Variants in CFAP46 observed in about 807,000 individuals in gnomAD.
CFAP46 encodes cilia- and flagella-associated protein 46.
In CFAP46, 245 loss-of-function variants were observed where a neutral mutation model predicts 325.7. That is an observed-to-expected ratio of 0.75 (90% CI 0.68 to 0.84). CFAP46 has a LOEUF of 0.84. Ranked by LOEUF, CFAP46 falls within the 40% of genes least tolerant of loss-of-function variation. The probability of loss-of-function intolerance (pLI) is 0.00; values close to 1 mark genes in which losing one functional copy is unlikely to be tolerated. For synonymous variants in CFAP46, 1,523 were observed against 1,495.9 expected, an observed-to-expected ratio of 1.02 and a Z score of -0.42; for missense variants, 3,346 against 3,543.0, an observed-to-expected ratio of 0.94 and a Z score of 1.41.
intron 19 of CFAP46, 119 bp downstream of exon 19, chr10:132,912,536 C>A (rs1437431005): frequency 1.7e-5 from 7 of 419,714 alleles, no homozygotes; most frequent in African/African-American, 8.8e-5. Context: ...CACCTCTCTC[C>A]TCTCCTCTCT....
chr10:132,835,427 G>T lies in CFAP46; in HGVS notation c.6621C>A (p.Cys2207Ter). Residue 2207 changes from cysteine to a stop codon, truncating the protein, a stop_gained, in exon 47 of 58, where the codon TGC becomes TGA. Transcript: ENST00000368586. LOFTEE classifies it high-confidence loss of function. ...KGKVQAVGGS[C>*]KVMRLAISPT... is the part of the protein sequence containing the mutation. ...GACTTATGGCCAGACGCATCACCTT[G>T]CAGGAGCCTGTGGGGACATGGACAC... The T allele has an allele frequency of 1.2e-6, 2 of 1,613,560 alleles. No individual in the cohort carries two copies. Among genetic ancestry groups the T allele is most frequent in the Non-Finnish European group, 1.7e-6 (2 of 1,179,932 alleles).
At chr10:132,824,338 C>A (rs1591036826) in intron 50 of CFAP46, among the ~76,000 whole-genome samples, 2 of 106,250 alleles carry the variant, frequency 1.9e-5, no homozygotes, top group Non-Finnish European at 1.8e-5. Flanking sequence ...TGTGTGTGTG[C>A]TGTGTGCTGT....
intron 44 of CFAP46, 87 bp from the exon 45 acceptor site, chr10:132,837,001 T>G: frequency 9.5e-7 from 1 of 1,054,978 alleles, no homozygotes; most frequent in Non-Finnish European, 1.5e-6. Context: ...GGAGACCTCG[T>G]GGCAGAGCCA....
At chr10:132,865,880 G>A (rs1848805396) in intron 35 of CFAP46, 145 bp downstream of exon 35, 4 of 744,434 alleles carry the variant, frequency 5.4e-6, no homozygotes, top group African/African-American at 1.8e-5. Context: ...CTGACTTCCC[G>A]CAGAGAGCTG....
In CFAP46 at chr10:132,937,369, T is replaced by C. The variant is rs1850024596; in HGVS notation, c.660+183A>G. 2.0e-5 allele frequency: 14 copies of C among 693,564 alleles called. No homozygotes were observed. The Admixed American group carries it at 4.3e-4, about 21-fold the overall frequency. 43.0% of individuals were successfully genotyped at this position (693,564 alleles called of 1,614,324 possible). On this transcript the variant is annotated intron_variant, in intron 6 of 57. Coordinates refer to ENST00000368586, the MANE Select transcript of CFAP46 (RefSeq NM_001200049.3). ...TTGTTTTCTAAATGTCACAGTTCTA[T>C]ACATCTTTGCATTGGATGAACTGCT...
chr10:132,895,411 C>A (rs566411200), intron 24 of CFAP46, among the ~76,000 whole-genome samples: 3 of 152,352 alleles, frequency 2.0e-5, no homozygotes, highest in African/African-American at 7.2e-5. Flanking sequence ...AAGGCCACTG[C>A]TTCCACTGCT....
At chr10:132,834,294 T>C (rs1490147288) in intron 48 of CFAP46, among the ~76,000 whole-genome samples, 171 bp from the exon 49 acceptor site, 1 of 152,212 alleles carries the variant, frequency 6.6e-6, no homozygotes, top group Non-Finnish European at 1.5e-5. Flanking sequence ...CACAGGATTT[T>C]GGGATCATCT....
rs1403004545 is a variant in CFAP46 at position 132,847,168 on chromosome 10, G to A, written c.6087+19C>T. On this transcript the variant is annotated intron_variant, in intron 42 of 57. Coordinates refer to ENST00000368586, the MANE Select transcript of CFAP46 (RefSeq NM_001200049.3). This position sits in a 1 kb window ranked among gnomAD's most constrained non-coding sequence, Gnocchi z 5.2. Reference sequence around the variant, plus strand: ...GCTCCGGGCAGAGGCCACACGAGGGGCAGGAGGGGCAGCCGCACCTTCAGG... The same window carrying A: ...GCTCCGGGCAGAGGCCACACGAGGGACAGGAGGGGCAGCCGCACCTTCAGG... 6.2e-7 allele frequency: 1 copy of A among 1,609,130 alleles called. No individual in the cohort carries two copies. Among genetic ancestry groups the A allele is most frequent in the Non-Finnish European group, 8.5e-7 (1 of 1,178,638 alleles).
rs561795959 is a variant in CFAP46, at chr10:132,897,950, G to A, written c.3219+1009C>T. 2.0e-5 allele frequency among the ~76,000 whole-genome samples: 3 copies of A among 151,858 alleles called. No homozygotes were observed. The South Asian group carries it at 6.3e-4, about 32-fold the overall frequency. On this transcript the variant is annotated intron_variant, in intron 24 of 57. Coordinates refer to ENST00000368586, the MANE Select transcript of CFAP46 (RefSeq NM_001200049.3). ...CTGAGGATCCAGCGCAGCGGCTTCT[G>A]TAGCCGCACCCACTGTCTCTGCCTG...
chr10:132,917,788 C>T (rs949690513), intron 16 of CFAP46, among the ~76,000 whole-genome samples: 3 of 152,176 alleles, frequency 2.0e-5, no homozygotes, highest in African/African-American at 7.2e-5. Context: ...TAACAGGCCA[C>T]GTGGACACCA....
Position 132,931,750 on chromosome 10 carries a change from C to A in CFAP46, c.867-1946G>T, listed in dbSNP as rs183679659. 3.1e-3 allele frequency among the ~76,000 whole-genome samples: 447 copies of A among 143,108 alleles called. 1 individual carries two copies. Among genetic ancestry groups the A allele is most frequent in the African/African-American group, 9.6e-3 (367 of 38,370 alleles). 93.9% of individuals were successfully genotyped at this position (143,108 alleles called of 152,430 possible). ...AGCCTGGGCCTCCCCACACTCCCCA[C>A]GCAGAGCCTGGGCCTTCCTCCTTGC... is the stretch of plus-strand genomic sequence containing the variant. On this transcript the variant is annotated intron_variant, in intron 8 of 57. Transcript: ENST00000368586.
At position 132,922,717 on chromosome 10, in the gene CFAP46, G is replaced by A. The variant is rs1223214615; in HGVS notation, c.1257-9C>T. On this transcript the variant is annotated splice_polypyrimidine_tract_variant and intron_variant, in intron 11 of 57. Transcript: ENST00000368586. ...GGAGAAGCGTCATGAGGCTGCGGGG[G>A]TGGCGTGGCATCAGGGGCCCTGGCG... is the stretch of plus-strand genomic sequence containing the variant. 1.3e-6 allele frequency: 2 copies of A among 1,541,916 alleles called. No homozygotes were observed. Among genetic ancestry groups the A allele is most frequent in the Admixed American group, 3.9e-5 (2 of 50,860 alleles).
Position 132,832,843 on chromosome 10 carries a change from T to C in CFAP46, c.7117+515A>G, listed in dbSNP as rs1388568265. Reference sequence around the variant, plus strand: ...AGAGGCTGGCTGTTTACTACACATCTGGTCCCCTCCTTTGAAACAGGTATT... The same window carrying C: ...AGAGGCTGGCTGTTTACTACACATCCGGTCCCCTCCTTTGAAACAGGTATT... On this transcript the variant is annotated intron_variant, in intron 50 of 57. Transcript: ENST00000368586. This position sits in a 1 kb window ranked among gnomAD's most constrained non-coding sequence, Gnocchi z 4.1. 2.1e-6 allele frequency: 1 copy of C among 470,212 alleles called. No homozygotes were observed. Among genetic ancestry groups the C allele is most frequent in the East Asian group, 7.0e-5 (1 of 14,372 alleles). The allele number at this position is 470,212 out of a possible 1,614,324, so 29.1% of individuals were successfully genotyped here.
chr10:132,935,483 A>T (rs1464228595), intron 7 of CFAP46, among the ~76,000 whole-genome samples: 3 of 104,796 alleles, frequency 2.9e-5, no homozygotes, highest in African/African-American at 4.5e-5. Context: ...GCACCCAAAC[A>T]CACCGTGATC....
chr10:132,865,597 G>A (rs1307018547), intron 35 of CFAP46, among the ~76,000 whole-genome samples: 2 of 152,184 alleles, frequency 1.3e-5, no homozygotes, highest in African/African-American at 4.8e-5. Flanking sequence ...ACAAAGACCA[G>A]ACCAGGCCCA....
rs28599477 is a variant in CFAP46 at position 132,935,451 on chromosome 10, T to C, written c.756-589A>G. On this transcript the variant is annotated intron_variant, in intron 7 of 57. Transcript: ENST00000368586. ...CATTCCCCTCAGCACCCAAACACAC[T>C]GCGATCTCCTCACTCCCCTCAGCAC... Among the ~76,000 whole-genome samples the C allele has an allele frequency of 6.8e-3, 960 of 141,878 alleles. 21 individuals carry two copies. Among genetic ancestry groups the C allele is most frequent in the African/African-American group, 0.025 (896 of 35,762 alleles). 93.1% of individuals were successfully genotyped at this position (141,878 alleles called of 152,430 possible).
intron 50 of CFAP46, among the ~76,000 whole-genome samples, chr10:132,824,100 G>GTGATGTGTGCTGTGTGCGC (rs1251295009): frequency 7.7e-6 from 1 of 129,586 alleles, no homozygotes; most frequent in African/African-American, 2.8e-5. Flanking sequence ...TGTGTGTGCG[G>GTGATGTGTGCTGTGTGCGC]TGATGTGTGC....
At chr10:132,854,592 C>A (rs1315436163) in intron 39 of CFAP46, among the ~76,000 whole-genome samples, 1 of 152,146 alleles carries the variant, frequency 6.6e-6, no homozygotes, top group African/African-American at 2.4e-5. Flanking sequence ...CCTCCTCAGC[C>A]TCCCAAAGTG....
At chr10:132,845,554 C>G (rs910842090) in intron 44 of CFAP46, among the ~76,000 whole-genome samples, 1 of 152,218 alleles carries the variant, frequency 6.6e-6, no homozygotes, top group African/African-American at 2.4e-5. Flanking sequence ...GTCTGTTTCC[C>G]ACAATTCAAG....
Sources: gnomAD v4.1 joint callset for allele counts (sites outside exome capture counted in the v4.1 genomes callset) on GRCh38, gnomAD v4.1.1 for gene constraint, Gnocchi (gnomAD v3.1) non-coding constraint, MANE v1.5 for transcripts, NCBI Gene and HGNC (gene_info 2026-07-23, HGNC 2026-07-21) for gene names.